GRIA2: variants seen among roughly 807,000 people sequenced by gnomAD.
The protein encoded by GRIA2 is glutamate ionotropic receptor AMPA type subunit 2.
A neutral mutation model predicts 97.3 loss-of-function variants in GRIA2; 14 were observed. The observed-to-expected ratio is 0.14, with a 90% CI of 0.10 to 0.23. The LOEUF is 0.23. Ranked by LOEUF, GRIA2 falls within the 10% of genes least tolerant of loss-of-function variation. The pLI, the probability that GRIA2 is intolerant of heterozygous loss-of-function variation, is 1.00. For synonymous variants in GRIA2, 412 were observed against 387.8 expected, an observed-to-expected ratio of 1.06 and a Z score of -0.73; for missense variants, 558 against 1,069.8, an observed-to-expected ratio of 0.52 and a Z score of 6.67.
intron 2 of GRIA2, among the ~76,000 whole-genome samples, chr4:157,251,334 A>G (rs760691938): frequency 3.3e-5 from 5 of 152,220 alleles, no homozygotes; most frequent in Middle Eastern, 3.4e-3. Context: ...GCTTATTATA[A>G]GAGAAGCAGT....
At chr4:157,224,949 TC>T (rs1345371882) in intron 2 of GRIA2, among the ~76,000 whole-genome samples, 3 of 152,122 alleles carry the variant, frequency 2.0e-5, no homozygotes, top group Non-Finnish European at 2.9e-5. Context: ...GCTCTTCCAA[TC>T]ATAAAAATCC....
At chr4:157,350,271 C>T (rs1735949428) in intron 12 of GRIA2, among the ~76,000 whole-genome samples, 1 of 152,048 alleles carries the variant, frequency 6.6e-6, no homozygotes, top group Admixed American at 6.6e-5. Context: ...TCTGAATTCC[C>T]TCAACTATTA....
At chr4:157,275,962 C>A (rs540132103) in intron 2 of GRIA2, among the ~76,000 whole-genome samples, 1 of 152,082 alleles carries the variant, frequency 6.6e-6, no homozygotes, top group African/African-American at 2.4e-5. Flanking sequence ...GGCAGTATGG[C>A]CATTTTCACT....
intron 6 of GRIA2, among the ~76,000 whole-genome samples, chr4:157,332,555 C>T (rs1735101395): frequency 6.6e-6 from 1 of 151,148 alleles, no homozygotes; most frequent in Non-Finnish European, 1.5e-5. Flanking sequence ...TAAACACTGA[C>T]ACAATTATTA....
chr4:157,316,566 C>A (rs970603696), intron 4 of GRIA2, among the ~76,000 whole-genome samples: 3 of 151,904 alleles, frequency 2.0e-5, no homozygotes, highest in African/African-American at 7.3e-5. Context: ...GCTTTCCAAG[C>A]AGACAAGCAG....
chr4:157,334,328 A>G (rs1273284260), intron 9 of GRIA2: 1 of 474,066 alleles, frequency 2.1e-6, no homozygotes, highest in Non-Finnish European at 3.9e-6. Flanking sequence ...AAGGAACGCT[A>G]CAGTTTACAC....
At chr4:157,341,637 G>T (rs866252999) in intron 12 of GRIA2, among the ~76,000 whole-genome samples, 175 bp downstream of exon 12, 1 of 152,118 alleles carries the variant, frequency 6.6e-6, no homozygotes. Context: ...CTTCGGTCCA[G>T]CTCTAGTTTC....
chr4:157,345,200 A>G (rs1281949530), intron 12 of GRIA2, among the ~76,000 whole-genome samples: 2 of 152,138 alleles, frequency 1.3e-5, no homozygotes, highest in Non-Finnish European at 2.9e-5. Context: ...TAAAATCTAT[A>G]CTTTTCTTCA....
At chr4:157,315,509 GTTTT>G (rs529422867) in intron 4 of GRIA2, among the ~76,000 whole-genome samples, 3 of 148,128 alleles carry the variant, frequency 2.0e-5, no homozygotes, top group South Asian at 2.1e-4. Context: ...TAGGCTATGG[GTTTT>G]TTTTTGTTTG....
rs114820598 is a variant in GRIA2 at position 157,333,840 on chromosome 4, C to T, written c.1156-170C>T. Among the ~76,000 whole-genome samples the T allele has an allele frequency of 2.6e-3, 398 of 152,120 alleles. 4 individuals are homozygous for T. The highest frequency in any genetic ancestry group is 4.3e-3 in the Non-Finnish European group (289 of 67,940). On this transcript the variant is annotated intron_variant, in intron 8 of 15. Coordinates refer to ENST00000264426, the MANE Select transcript of GRIA2 (RefSeq NM_001083619.3). ...AGTCATTTTTAGGAATTTTTTTATA[C>T]TTCCTTTTATTCCTGTTAGATTCAC...
chr4:157,225,211 A>G (rs925150343), intron 2 of GRIA2, among the ~76,000 whole-genome samples: 1 of 152,052 alleles, frequency 6.6e-6, no homozygotes, highest in Non-Finnish European at 1.5e-5. Context: ...CTGAGCTCCC[A>G]CATCCTTCCC....
At chr4:157,285,445 C>G (rs1732795006) in intron 2 of GRIA2, among the ~76,000 whole-genome samples, 1 of 151,410 alleles carries the variant, frequency 6.6e-6, no homozygotes, top group Non-Finnish European at 1.5e-5. Flanking sequence ...CTCCCTGTGT[C>G]TTGCTTACAC....
chr4:157,250,416 A>C (rs548323104), intron 2 of GRIA2, among the ~76,000 whole-genome samples: 1 of 152,246 alleles, frequency 6.6e-6, no homozygotes, highest in East Asian at 1.9e-4. Context: ...CCTGGTGCTA[A>C]ACATGGAGCA....
chr4:157,348,524 C>T (rs1735863215), intron 12 of GRIA2, among the ~76,000 whole-genome samples: 1 of 152,042 alleles, frequency 6.6e-6, no homozygotes. Context: ...CAGGCATGAG[C>T]CACCTCACCC....
intron 2 of GRIA2, among the ~76,000 whole-genome samples, chr4:157,278,616 T>C (rs1000509577): frequency 1.3e-4 from 20 of 152,008 alleles, no homozygotes; most frequent in African/African-American, 4.3e-4. Flanking sequence ...AAATACTTAC[T>C]GAGCTGGATT....
intron 2 of GRIA2, among the ~76,000 whole-genome samples, chr4:157,238,134 A>G (rs1344994067): frequency 6.6e-6 from 1 of 152,140 alleles, no homozygotes; most frequent in Non-Finnish European, 1.5e-5. Flanking sequence ...TATGTGCTCT[A>G]CCTAAAGCCA....
rs1736769078 is a variant in GRIA2 at position 157,364,124 on chromosome 4, C to T, written c.*693C>T. Reference sequence around the variant, plus strand: ...GTATCGATTCCATATTTTTCAAAGCCAAATATGTAAATGCTAAGGAAAGTA... The same window carrying T: ...GTATCGATTCCATATTTTTCAAAGCTAAATATGTAAATGCTAAGGAAAGTA... On this transcript the variant is annotated 3_prime_UTR_variant, in exon 16 of 16. Transcript: ENST00000264426. The T allele has an allele frequency of 6.6e-6, 1 of 152,120 alleles. No homozygotes were observed. Among genetic ancestry groups the T allele is most frequent in the African/African-American group, 2.4e-5 (1 of 41,300 alleles). 9.4% of individuals were successfully genotyped at this position (152,120 alleles called of 1,614,324 possible). A position where few individuals can be genotyped will look rare whatever the true frequency, so the allele number is the denominator to read the frequency against.
At chr4:157,352,691 G>A (rs1473714667) in intron 12 of GRIA2, among the ~76,000 whole-genome samples, 1 of 136,820 alleles carries the variant, frequency 7.3e-6, no homozygotes, top group Non-Finnish European at 1.5e-5. Flanking sequence ...TTGCACTCCA[G>A]CCTAGGCGAC....
intron 2 of GRIA2, among the ~76,000 whole-genome samples, chr4:157,231,414 C>A (rs1029359185): frequency 1.1e-4 from 16 of 152,010 alleles, no homozygotes; most frequent in African/African-American, 3.9e-4. Flanking sequence ...TGGCCTTAAG[C>A]GATCCTGTCA....
Sources: allele counts gnomAD v4.1 joint callset (sites outside exome capture counted in the v4.1 genomes callset), GRCh38; gene constraint gnomAD v4.1.1; transcripts MANE v1.5; gene names NCBI Gene and HGNC (gene_info 2026-07-23, HGNC 2026-07-21).